Variants in LRFN5 observed in about 807,000 individuals in gnomAD.
LRFN5 encodes leucine-rich repeat and fibronectin type-III domain-containing protein 5.
Under a neutral mutation model 45.6 loss-of-function variants are expected in LRFN5, and 24 were observed. The observed-to-expected ratio is 0.53, with a 90% CI of 0.38 to 0.74. LRFN5 has a LOEUF of 0.74. Ranked by LOEUF, LRFN5 falls within the 30% of genes least tolerant of loss-of-function variation. The pLI, the probability that LRFN5 is intolerant of heterozygous loss-of-function variation, is 0.00. For synonymous variants in LRFN5, 340 were observed against 313.8 expected, an observed-to-expected ratio of 1.08 and a Z score of -0.88; for missense variants, 776 against 861.5, an observed-to-expected ratio of 0.90 and a Z score of 1.24.
intron 2 of LRFN5, among the ~76,000 whole-genome samples, chr14:41,842,029 T>A (rs1323155652): frequency 1.3e-5 from 2 of 151,888 alleles, no homozygotes; most frequent in Non-Finnish European, 2.9e-5. Context: ...TAGTACATAT[T>A]CCCCCCAGCT....
chr14:41,846,015 C>T (rs1242562500), intron 2 of LRFN5, among the ~76,000 whole-genome samples: 1 of 151,906 alleles, frequency 6.6e-6, no homozygotes, highest in Non-Finnish European at 1.5e-5. Context: ...TTCAGAGCCC[C>T]TTCCATAACT....
chr14:41,718,495 C>G (rs1440053225), intron 1 of LRFN5, among the ~76,000 whole-genome samples: 1 of 152,034 alleles, frequency 6.6e-6, no homozygotes, highest in Non-Finnish European at 1.5e-5. Context: ...CCATTTTAAG[C>G]CTATATTTTA....
intron 1 of LRFN5, among the ~76,000 whole-genome samples, chr14:41,633,713 G>T (rs1888628723): frequency 6.6e-6 from 1 of 152,014 alleles, no homozygotes; most frequent in Non-Finnish European, 1.5e-5. Context: ...AAACAAAAAT[G>T]TTTTCTGTAA....
chr14:41,756,947 C>T (rs953531388), intron 1 of LRFN5, among the ~76,000 whole-genome samples: 1 of 152,046 alleles, frequency 6.6e-6, no homozygotes, highest in Non-Finnish European at 1.5e-5. Flanking sequence ...TGTGGGTGTC[C>T]TTTCTGTTTA....
intron 2 of LRFN5, among the ~76,000 whole-genome samples, chr14:41,831,863 T>C (rs1333262791): frequency 6.6e-6 from 1 of 152,136 alleles, no homozygotes; most frequent in East Asian, 1.9e-4. Context: ...TTCTGGAGGC[T>C]AGGAAGTTCA....
intron 2 of LRFN5, among the ~76,000 whole-genome samples, chr14:41,854,665 G>A (rs368807843): frequency 2.6e-4 from 40 of 152,292 alleles, no homozygotes; most frequent in African/African-American, 8.4e-4. Context: ...AGTAGTTAGT[G>A]TAATTGGAGG....
At chr14:41,812,988 C>T (rs1389464517) in intron 2 of LRFN5, among the ~76,000 whole-genome samples, 1 of 152,040 alleles carries the variant, frequency 6.6e-6, no homozygotes, top group Non-Finnish European at 1.5e-5. Context: ...GTAAAAGATG[C>T]TAACTGCATA....
chr14:41,856,286 T>G (rs1889448933), intron 2 of LRFN5, among the ~76,000 whole-genome samples: 1 of 152,240 alleles, frequency 6.6e-6, no homozygotes, highest in Admixed American at 6.5e-5. Flanking sequence ...TGTGTGATTT[T>G]AACCTAATTA....
intron 1 of LRFN5, among the ~76,000 whole-genome samples, chr14:41,683,941 A>C (rs1882011752): frequency 6.6e-6 from 1 of 152,190 alleles, no homozygotes; most frequent in Non-Finnish European, 1.5e-5. Flanking sequence ...GAAATAGAAA[A>C]AACAATCCCC....
At chr14:41,626,478 GT>G (rs1173883110) in intron 1 of LRFN5, among the ~76,000 whole-genome samples, 2 of 152,024 alleles carry the variant, frequency 1.3e-5, no homozygotes, top group African/African-American at 4.8e-5. Flanking sequence ...GTTTTTCTAT[GT>G]CTTACAATGT....
chr14:41,864,133 A>G (rs932290231), intron 2 of LRFN5, among the ~76,000 whole-genome samples: 1 of 152,180 alleles, frequency 6.6e-6, no homozygotes, highest in Non-Finnish European at 1.5e-5. Flanking sequence ...CAATAAACAC[A>G]CATGTGCGTG....
At chr14:41,845,847 G>A (rs772082504) in intron 2 of LRFN5, among the ~76,000 whole-genome samples, 3 of 152,084 alleles carry the variant, frequency 2.0e-5, no homozygotes, top group Non-Finnish European at 4.4e-5. Context: ...GCCTATTATT[G>A]CCAGCTACTT....
chr14:41,628,995 A>G (rs1387811995), intron 1 of LRFN5, among the ~76,000 whole-genome samples: 1 of 152,172 alleles, frequency 6.6e-6, no homozygotes, highest in African/African-American at 2.4e-5. Flanking sequence ...GTTAAAATCC[A>G]GTTGTTAGGT....
chr14:41,790,577 G>GTT (rs10711984), intron 2 of LRFN5, among the ~76,000 whole-genome samples: 1 of 143,032 alleles, frequency 7.0e-6, no homozygotes. Flanking sequence ...GGCTAATTTT[G>GTT]TTTTTTTTTT....
At chr14:41,633,450 C>T (rs953729367) in intron 1 of LRFN5, among the ~76,000 whole-genome samples, 10 of 152,070 alleles carry the variant, frequency 6.6e-5, no homozygotes, top group African/African-American at 2.2e-4. Context: ...TTAGCAGATA[C>T]ATTTCAATAA....
rs11157250 is a variant in LRFN5 at position 41,760,541 on chromosome 14, G to A, written c.-196-6313G>A. Among the ~76,000 whole-genome samples the A allele has an allele frequency of 7.5e-3, 1,143 of 152,274 alleles. 15 individuals carry two copies. Among genetic ancestry groups the A allele is most frequent in the South Asian group, 0.036 (173 of 4,828 alleles). ...CACATGAATCAGAACGCTAAAGAGA[G>A]GACATAATGTAATATAAATGTTTTG... is the stretch of plus-strand genomic sequence containing the variant. On this transcript the variant is annotated intron_variant, in intron 1 of 5. Coordinates refer to ENST00000298119, the MANE Select transcript of LRFN5 (RefSeq NM_152447.5).
At chr14:41,610,661 T>TAACAAAAAAAAAA (rs1887711313) in intron 1 of LRFN5, among the ~76,000 whole-genome samples, 1 of 37,340 alleles carries the variant, frequency 2.7e-5, no homozygotes, top group Non-Finnish European at 6.8e-5. Context: ...CCAGGGAAGG[T>TAACAAAAAAAAAA]AAAAAAAAAA....
chr14:41,841,784 A>T (rs966059038), intron 2 of LRFN5, among the ~76,000 whole-genome samples: 2 of 151,920 alleles, frequency 1.3e-5, no homozygotes, highest in Non-Finnish European at 2.9e-5. Flanking sequence ...ATATCAGCCC[A>T]TCAGATCTTA....
At chr14:41,711,119 G>T (rs141458691) in intron 1 of LRFN5, among the ~76,000 whole-genome samples, 2 of 152,146 alleles carry the variant, frequency 1.3e-5, no homozygotes, top group African/African-American at 4.8e-5. Flanking sequence ...CAAGAAAGAA[G>T]ACTAGATATC....
Sources: allele counts gnomAD v4.1 joint callset (sites outside exome capture counted in the v4.1 genomes callset), GRCh38; gene constraint gnomAD v4.1.1; transcripts MANE v1.5; gene names NCBI Gene and HGNC (gene_info 2026-07-23, HGNC 2026-07-21).